The following TBATA variants were observed in gnomAD, a reference collection of about 807,000 sequenced individuals.
The protein encoded by TBATA is protein TBATA.
Under a neutral mutation model 38.7 loss-of-function variants are expected in TBATA, and 47 were observed. That is an observed-to-expected ratio of 1.21 (90% CI 0.96 to 1.55). TBATA has a LOEUF of 1.55. Ranked by LOEUF, TBATA falls within the 40% of genes most tolerant of loss-of-function variation. TBATA has a pLI of 0.00. For missense variants in TBATA, 436 were observed against 435.6 expected (o/e 1.00, Z -0.01); for synonymous variants, 183 against 170.5 (o/e 1.07, Z -0.57).
chr10:70,779,884 A>T, intron 4 of TBATA, 142 bp from the exon 5 acceptor site: 1 of 903,454 alleles, frequency 1.1e-6, no homozygotes, highest in Non-Finnish European at 1.6e-6. Flanking sequence ...CAGAGCTGGG[A>T]GGGCATTGTA....
Position 70,783,362 on chromosome 10 carries a change from T to C in TBATA, c.18A>G (p.Gln6=), listed in dbSNP as rs1469002574. 7 of 1,614,020 alleles carry C rather than the reference T, an allele frequency of 4.3e-6. No individual in the cohort carries two copies. Among genetic ancestry groups the C allele is most frequent in the East Asian group, 4.5e-5 (2 of 44,902 alleles). The part of the protein sequence containing the change: MATDV[Q]LADYPLMSPK... Reference sequence around the variant, plus strand: ...ACCTCATCAGTGGATAATCAGCCAATTGAACATCTGTAGCCATTGTATGCT... The same window carrying C: ...ACCTCATCAGTGGATAATCAGCCAACTGAACATCTGTAGCCATTGTATGCT... The change falls in exon 3 of 11, where the codon CAA becomes CAG. Residue 6 remains glutamine, a synonymous_variant. Transcript: ENST00000456372.
At chr10:70,781,372 AG>A (rs1409018941) in intron 4 of TBATA, among the ~76,000 whole-genome samples, 3 of 152,178 alleles carry the variant, frequency 2.0e-5, no homozygotes, top group East Asian at 3.8e-4. Context: ...CAGCTCCAGG[AG>A]GGGGGCCACC....
chr10:70,775,703 C>G (rs1298229963), intron 7 of TBATA, among the ~76,000 whole-genome samples: 1 of 152,146 alleles, frequency 6.6e-6, no homozygotes, highest in Non-Finnish European at 1.5e-5. Context: ...TCCCACATGC[C>G]CAGGGCCTTG....
At chr10:70,772,196 T>C (rs1842856861) in intron 10 of TBATA, 1 of 551,148 alleles carries the variant, frequency 1.8e-6, no homozygotes, top group African/African-American at 1.9e-5. Flanking sequence ...CAGAGCCTTG[T>C]TATTCTCCTT....
At chr10:70,773,855 G>A (rs558472796) in intron 9 of TBATA, among the ~76,000 whole-genome samples, 113 of 152,316 alleles carry the variant, frequency 7.4e-4, no homozygotes, top group African/African-American at 2.6e-3. Flanking sequence ...ACTTAGTACT[G>A]GTATAAAACC....
At chr10:70,774,141 T>C in intron 9 of TBATA, 72 bp downstream of exon 9, 1 of 1,581,344 alleles carries the variant, frequency 6.3e-7, no homozygotes, top group Non-Finnish European at 8.6e-7. Context: ...CAGGCTCCCT[T>C]CTCCAGGTCC....
At chr10:70,779,114 C>T (rs1247579491) in intron 5 of TBATA, among the ~76,000 whole-genome samples, 1 of 152,214 alleles carries the variant, frequency 6.6e-6, no homozygotes, top group South Asian at 2.1e-4. Context: ...CAGCCCCAGC[C>T]CCTTCTCCAG....
chr10:70,775,779 G>C (rs1843315375), intron 7 of TBATA, among the ~76,000 whole-genome samples: 1 of 152,190 alleles, frequency 6.6e-6, no homozygotes, highest in Non-Finnish European at 1.5e-5. Flanking sequence ...GGGGATGTTG[G>C]AAAAGGGATG....
Position 70,779,710 on chromosome 10 carries a change from C to T in TBATA, c.310G>A (p.Asp104Asn). The change falls in exon 5 of 11, where the codon GAT becomes AAT. Residue 104 changes from aspartate to asparagine, a missense_variant. Transcript: ENST00000456372. ...LTGKPVCVVR[D>N]FPAPLPESTV... ...GACTCAGGCAAGGGGGCTGGAAAAT[C>T]CCTGACGACACAGACAGGCTTCCCG... The T allele has an allele frequency of 6.5e-7, 1 of 1,537,538 alleles. No individual in the cohort carries two copies. The highest frequency in any genetic ancestry group is 1.3e-5 in the South Asian group (1 of 79,026).
intron 4 of TBATA, among the ~76,000 whole-genome samples, chr10:70,781,155 G>A (rs1053287970): frequency 6.6e-6 from 1 of 152,176 alleles, no homozygotes; most frequent in African/African-American, 2.4e-5. Context: ...GAGTGGGAGC[G>A]CTCTTGCCTT....
intron 9 of TBATA, among the ~76,000 whole-genome samples, chr10:70,772,792 C>T (rs770240036): frequency 2.0e-5 from 3 of 152,148 alleles, no homozygotes; most frequent in Non-Finnish European, 2.9e-5. Context: ...ACAACTGTGG[C>T]CCTGCCGTCT....
chr10:70,782,489 C>G (rs1342110122), intron 3 of TBATA: 1 of 1,287,976 alleles, frequency 7.8e-7, no homozygotes, highest in South Asian at 1.2e-5. Context: ...TCATCCTCCC[C>G]CATGCACTCA....
chr10:70,782,355 A>T (rs185032923), intron 3 of TBATA: 2 of 1,380,352 alleles, frequency 1.4e-6, no homozygotes, highest in East Asian at 7.9e-5. Flanking sequence ...AGACCCACCT[A>T]CTCATCAAAA....
In TBATA at chr10:70,781,954, C is replaced by T. The variant is rs1434539521; in HGVS notation, c.124G>A (p.Val42Met). ...TCGAAATCCACAATCCCTGGGATCA[C>T]CAGTTCTTTCTGTGGCCCACTGTCC... ...PRDSGPQKEL[V>M]IPGIVDFERI... Residue 42 changes from valine (V) to methionine (M), a missense_variant, in exon 4 of 11, where the codon GTG becomes ATG. Physicochemically the swap from Val to Met is conservative, Grantham distance 21. Transcript: ENST00000456372. 6.2e-7 allele frequency: 1 copy of T among 1,614,112 alleles called. No homozygotes were observed. The highest frequency in any genetic ancestry group is 8.5e-7 in the Non-Finnish European group (1 of 1,180,038).
At chr10:70,773,940 G>A (rs1303168588) in intron 9 of TBATA, among the ~76,000 whole-genome samples, 1 of 152,250 alleles carries the variant, frequency 6.6e-6, no homozygotes, top group East Asian at 1.9e-4. Flanking sequence ...GTTAGGTGTG[G>A]CTAATCCAGC....
At chr10:70,778,403 T>A in intron 6 of TBATA, 154 bp downstream of exon 6, 1 of 788,656 alleles carries the variant, frequency 1.3e-6, no homozygotes, top group Non-Finnish European at 2.2e-6. Context: ...CTAGGTGTGC[T>A]CTCTCCCTCA....
intron 3 of TBATA, chr10:70,782,503 G>T: frequency 7.8e-7 from 1 of 1,284,092 alleles, no homozygotes; most frequent in Admixed American, 2.3e-5. Flanking sequence ...GCACTCAGGA[G>T]TAGTCTTGGC....
chr10:70,782,026 C>T lies in TBATA; in HGVS notation c.52G>A (p.Glu18Lys), dbSNP rs1393441219. ...ADYPLMSPKA[E>K]LKLEKKSGRK... ...CCTGACTTCTTCTCCAGTTTCAGCT[C>T]AGCCTTTGGACTGAAGGAGGGGGTT... is the stretch of plus-strand genomic sequence containing the variant. The change falls in exon 4 of 11, where the codon GAG (glutamate) becomes AAG (lysine). Residue 18 changes from glutamate to lysine, a missense_variant. Physicochemically the swap from Glu to Lys is moderately conservative, Grantham distance 56. Coordinates refer to ENST00000456372, the MANE Select transcript of TBATA (RefSeq NM_001318241.2). 6.2e-7 allele frequency: 1 copy of T among 1,614,212 alleles called. No homozygotes were observed. The highest frequency in any genetic ancestry group is 8.5e-7 in the Non-Finnish European group (1 of 1,180,036).
chr10:70,783,190 G>C, intron 3 of TBATA, 149 bp downstream of exon 3: 1 of 862,066 alleles, frequency 1.2e-6, no homozygotes, highest in Non-Finnish European at 1.8e-6. Context: ...GACCCATTGG[G>C]GGGTCTGGCT....
Sources: gnomAD v4.1 joint callset for allele counts (sites outside exome capture counted in the v4.1 genomes callset) on GRCh38, gnomAD v4.1.1 for gene constraint, MANE v1.5 for transcripts, NCBI Gene and HGNC (gene_info 2026-07-23, HGNC 2026-07-21) for gene names.